ERGIC1: variants seen among roughly 807,000 people sequenced by gnomAD.
The protein encoded by ERGIC1 is endoplasmic reticulum-Golgi intermediate compartment protein 1.
Under a neutral mutation model 38.3 loss-of-function variants are expected in ERGIC1, and 19 were observed. The observed-to-expected ratio is 0.50, with a 90% CI of 0.35 to 0.73. The LOEUF is 0.73. Among genes scored for constraint, ERGIC1 ranks in the 30% least tolerant of loss-of-function variants. ERGIC1 has a pLI of 0.01. For missense variants in ERGIC1, 294 were observed against 389.2 expected (o/e 0.76, Z 2.06); for synonymous variants, 124 against 157.6 (o/e 0.79, Z 1.60).
intron 4 of ERGIC1, chr5:172,914,477 G>A: frequency 1.6e-6 from 1 of 610,008 alleles, no homozygotes; most frequent in Non-Finnish European, 2.9e-6. Context: ...GGACCAGTAT[G>A]GCAGACCCCA....
chr5:172,897,701 G>T, intron 3 of ERGIC1: 1 of 411,732 alleles, frequency 2.4e-6, no homozygotes. Context: ...TTTTCCCTCT[G>T]AATCATCACA....
intron 1 of ERGIC1, among the ~76,000 whole-genome samples, chr5:172,862,307 C>CAAAAAAAAAAAAAAAA (rs58968820): frequency 2.0e-5 from 1 of 49,490 alleles, no homozygotes; most frequent in African/African-American, 1.0e-4. Context: ...GACTACATCT[C>CAAAAAAAAAAAAAAAA]AAAAAAAAAA....
intron 1 of ERGIC1, among the ~76,000 whole-genome samples, chr5:172,881,770 A>T (rs1470001987): frequency 6.6e-6 from 1 of 152,208 alleles, no homozygotes; most frequent in Non-Finnish European, 1.5e-5. Flanking sequence ...CTCATCTGTA[A>T]AATGGAACAA....
In ERGIC1 at chr5:172,897,092, G is replaced by A. The variant is rs759956526; in HGVS notation, c.155+18G>A. The A allele has an allele frequency of 4.8e-5, 78 of 1,611,658 alleles. No homozygotes were observed. The highest frequency in any genetic ancestry group is 1.7e-4 in the Admixed American group (10 of 59,974). The stretch of plus-strand genomic sequence containing the variant: ...ACAGAAGTGTAAGTCATACTTTCCC[G>A]ATGGGGCATTCCAGGATGTTCTGGG... On this transcript the variant is annotated intron_variant, in intron 3 of 9. Transcript: ENST00000393784.
intron 6 of ERGIC1, among the ~76,000 whole-genome samples, chr5:172,925,526 G>A (rs67570286): frequency 0.18 from 27,049 of 152,094 alleles, 2,585 homozygotes; most frequent in South Asian, 0.22. Flanking sequence ...CCAGGATCAG[G>A]GATTATGCCA....
At chr5:172,905,659 G>T (rs149124852) in intron 3 of ERGIC1, among the ~76,000 whole-genome samples, 1 of 152,212 alleles carries the variant, frequency 6.6e-6, no homozygotes, top group South Asian at 2.1e-4. Context: ...ACACCCTGCC[G>T]GATCCAGAGG....
chr5:172,862,048 A>G (rs1200498655), intron 1 of ERGIC1, among the ~76,000 whole-genome samples: 1 of 151,750 alleles, frequency 6.6e-6, no homozygotes, highest in Non-Finnish European at 1.5e-5. Flanking sequence ...CTAGAGTGCA[A>G]TGGCATGATC....
At chr5:172,889,198 C>T (rs756617321) in intron 2 of ERGIC1, among the ~76,000 whole-genome samples, 34 of 151,942 alleles carry the variant, frequency 2.2e-4, no homozygotes, top group African/African-American at 8.0e-4. Context: ...GCAGGAGAAT[C>T]GCTTGAAACA....
At chr5:172,907,275 C>T (rs1394746149) in intron 3 of ERGIC1, among the ~76,000 whole-genome samples, 4 of 152,146 alleles carry the variant, frequency 2.6e-5, no homozygotes, top group Admixed American at 2.6e-4. Context: ...CTAAAGGCCT[C>T]GGCCAGGCAC....
chr5:172,903,727 T>G (rs1349065226), intron 3 of ERGIC1, among the ~76,000 whole-genome samples: 1 of 151,250 alleles, frequency 6.6e-6, no homozygotes, highest in Non-Finnish European at 1.5e-5. Context: ...AGCAACCCCA[T>G]AGCAACCCCT....
At chr5:172,928,851 G>A (rs1339405148) in intron 7 of ERGIC1, among the ~76,000 whole-genome samples, 1 of 152,146 alleles carries the variant, frequency 6.6e-6, no homozygotes, top group Non-Finnish European at 1.5e-5. Flanking sequence ...TGTAAAGTGG[G>A]AAGAATCCTC....
intron 9 of ERGIC1, among the ~76,000 whole-genome samples, chr5:172,941,909 TAAG>T (rs754466008): frequency 4.4e-4 from 67 of 152,226 alleles, no homozygotes; most frequent in Admixed American, 6.5e-4. Context: ...GCAGGGGCAT[TAAG>T]AAGAATTGAC....
chr5:172,882,631 G>A (rs1762312722), intron 1 of ERGIC1, among the ~76,000 whole-genome samples: 1 of 152,134 alleles, frequency 6.6e-6, no homozygotes, highest in Non-Finnish European at 1.5e-5. Flanking sequence ...AGAAATACAT[G>A]CAAATATGTA....
intron 3 of ERGIC1, among the ~76,000 whole-genome samples, chr5:172,906,405 C>T (rs1318625373): frequency 6.6e-6 from 1 of 152,140 alleles, no homozygotes. Context: ...GGGCATTTCA[C>T]AGGCGCACAT....
chr5:172,904,262 C>G (rs1376425985), intron 3 of ERGIC1, among the ~76,000 whole-genome samples: 2 of 152,256 alleles, frequency 1.3e-5, no homozygotes, highest in Non-Finnish European at 2.9e-5. Flanking sequence ...AACCATCACT[C>G]TGATGAAGAC....
intron 5 of ERGIC1, among the ~76,000 whole-genome samples, chr5:172,918,906 CCCCTTCCCTG>C (rs965589646): frequency 3.4e-4 from 51 of 152,122 alleles, no homozygotes; most frequent in African/African-American, 1.2e-3. Context: ...AGTCCTCCCT[CCCCTTCCCTG>C]CCCACCCACA....
At chr5:172,902,768 C>T (rs75149791) in intron 3 of ERGIC1, among the ~76,000 whole-genome samples, 2,562 of 152,236 alleles carry the variant, frequency 0.017, 59 homozygotes, top group African/African-American at 0.056. Flanking sequence ...CTCCACCCCA[C>T]CCCAAGCCCT....
intron 1 of ERGIC1, among the ~76,000 whole-genome samples, chr5:172,886,969 G>A (rs1762438704): frequency 6.6e-6 from 1 of 152,188 alleles, no homozygotes; most frequent in Non-Finnish European, 1.5e-5. Flanking sequence ...CCAGCTTCTA[G>A]TACCCTCAGG....
chr5:172,872,347 G>GATTTGAGGATCAT (rs1762036781), intron 1 of ERGIC1, among the ~76,000 whole-genome samples: 1 of 152,230 alleles, frequency 6.6e-6, no homozygotes, highest in African/African-American at 2.4e-5. Flanking sequence ...TTGAGGATCA[G>GATTTGAGGATCAT]ATTTGAGGAT....
Sources: gnomAD v4.1 joint callset for allele counts (sites outside exome capture counted in the v4.1 genomes callset) on GRCh38, gnomAD v4.1.1 for gene constraint, MANE v1.5 for transcripts, NCBI Gene and HGNC (gene_info 2026-07-23, HGNC 2026-07-21) for gene names.